CTNNA2: variants seen among roughly 807,000 people sequenced by gnomAD.
CTNNA2 encodes catenin alpha-2.
A neutral mutation model predicts 101.0 loss-of-function variants in CTNNA2; 42 were observed. The ratio of observed to expected loss-of-function variants is 0.42; its 90% CI spans 0.32 to 0.54. The LOEUF (loss-of-function observed/expected upper bound fraction) is 0.54, where lower values mean the gene tolerates loss of function less well. CTNNA2 is among the 20% of genes least tolerant of loss of function. CTNNA2 has a pLI of 0.14. For missense variants in CTNNA2, 871 were observed against 1,223.1 expected, an observed-to-expected ratio of 0.71 and a Z score of 4.29; for synonymous variants, 450 against 456.4, an observed-to-expected ratio of 0.99 and a Z score of 0.18.
At chr2:79,217,290 C>T (rs1277762832) in intron 2 of CTNNA2, among the ~76,000 whole-genome samples, 10 of 152,296 alleles carry the variant, frequency 6.6e-5, no homozygotes, top group East Asian at 1.9e-4. Context: ...TCCCCCGATC[C>T]GAGTCACGGC....
At chr2:79,284,796 C>T (rs1358141838) in intron 2 of CTNNA2, among the ~76,000 whole-genome samples, 4 of 148,594 alleles carry the variant, frequency 2.7e-5, no homozygotes, top group African/African-American at 1.0e-4. Context: ...GGGAGGATTC[C>T]CTCTTTTTCT....
At chr2:79,503,562 T>C (rs1298583211) in intron 4 of CTNNA2, among the ~76,000 whole-genome samples, 1 of 152,146 alleles carries the variant, frequency 6.6e-6, no homozygotes, top group Non-Finnish European at 1.5e-5. Flanking sequence ...AATGCCCTAC[T>C]GACATATTAG....
At chr2:79,539,008 C>CG (rs1673243145) in intron 1 of CTNNA2, among the ~76,000 whole-genome samples, 1 of 152,102 alleles carries the variant, frequency 6.6e-6, no homozygotes, top group African/African-American at 2.4e-5. Context: ...ACATCAAAAT[C>CG]AAGATCAATA....
chr2:80,548,684 T>C (rs1166036587), intron 11 of CTNNA2, among the ~76,000 whole-genome samples: 1 of 152,132 alleles, frequency 6.6e-6, no homozygotes, highest in African/African-American at 2.4e-5. Flanking sequence ...CCTTTGGAGT[T>C]GACAATCAGA....
intron 8 of CTNNA2, among the ~76,000 whole-genome samples, chr2:80,406,133 G>A (rs1252160382): frequency 6.6e-6 from 1 of 152,124 alleles, no homozygotes; most frequent in East Asian, 1.9e-4. Context: ...CAAGGCGGGT[G>A]GATCACAAGG....
intron 7 of CTNNA2, among the ~76,000 whole-genome samples, chr2:80,317,704 C>G (rs572348318): frequency 1.3e-4 from 20 of 152,156 alleles, no homozygotes; most frequent in Non-Finnish European, 2.8e-4. Context: ...TACCGACAAC[C>G]ACACACATTC....
chr2:80,371,008 C>T (rs74785321), intron 7 of CTNNA2, among the ~76,000 whole-genome samples: 2,247 of 152,130 alleles, frequency 0.015, 64 homozygotes, highest in African/African-American at 0.051. Context: ...TGGTAAGAAA[C>T]GGGAGGAAAC....
At chr2:80,479,022 T>A (rs895726231) in intron 9 of CTNNA2, among the ~76,000 whole-genome samples, 4 of 151,642 alleles carry the variant, frequency 2.6e-5, no homozygotes, top group Admixed American at 6.6e-5. Flanking sequence ...GTTTTTTTTT[T>A]AATTTTTTTG....
chr2:80,175,743 G>T (rs1023347755), intron 7 of CTNNA2, among the ~76,000 whole-genome samples: 1 of 152,214 alleles, frequency 6.6e-6, no homozygotes, highest in Non-Finnish European at 1.5e-5. Flanking sequence ...AATCCAGTCT[G>T]AGTCAAACCT....
chr2:80,170,944 A>G (rs1705012980), intron 7 of CTNNA2, among the ~76,000 whole-genome samples: 1 of 152,190 alleles, frequency 6.6e-6, no homozygotes. Flanking sequence ...AAACAGGGAA[A>G]AATGTTTAAT....
chr2:80,366,870 A>G (rs1340942921), intron 7 of CTNNA2, among the ~76,000 whole-genome samples: 1 of 152,080 alleles, frequency 6.6e-6, no homozygotes, highest in Non-Finnish European at 1.5e-5. Context: ...AATTTTATAC[A>G]TTTTAGGGAG....
At chr2:79,990,690 A>G (rs1395030729) in intron 7 of CTNNA2, among the ~76,000 whole-genome samples, 1 of 152,190 alleles carries the variant, frequency 6.6e-6, no homozygotes, top group Non-Finnish European at 1.5e-5. Flanking sequence ...TACATTTCTC[A>G]TGCACCTGTA....
chr2:79,540,591 A>G (rs760119686), intron 1 of CTNNA2, among the ~76,000 whole-genome samples: 15 of 152,172 alleles, frequency 9.9e-5, no homozygotes, highest in Non-Finnish European at 1.6e-4. Flanking sequence ...CATGAATGCC[A>G]CTTGCTTTAT....
chr2:79,218,311 T>TTGTGTGTGTG (rs60680995), intron 2 of CTNNA2, among the ~76,000 whole-genome samples: 4,911 of 114,618 alleles, frequency 0.043, 189 homozygotes, highest in East Asian at 0.07. Flanking sequence ...TTCATGAACT[T>TTGTGTGTGTG]TGTGTGTGTG....
intron 7 of CTNNA2, among the ~76,000 whole-genome samples, chr2:79,990,959 A>G (rs1220652650): frequency 1.3e-5 from 2 of 152,094 alleles, no homozygotes; most frequent in Non-Finnish European, 2.9e-5. Flanking sequence ...AGAGCCTGTT[A>G]TTGGTCTATT....
intron 7 of CTNNA2, among the ~76,000 whole-genome samples, chr2:80,041,954 G>GT (rs992447054): frequency 2.0e-4 from 30 of 152,026 alleles, no homozygotes; most frequent in South Asian, 4.2e-4. Context: ...TTTTTTCTGT[G>GT]TTTTTTTGTT....
chr2:80,137,018 G>C (rs1702734199), intron 7 of CTNNA2, among the ~76,000 whole-genome samples: 1 of 152,276 alleles, frequency 6.6e-6, no homozygotes, highest in African/African-American at 2.4e-5. Context: ...TCAGCCATCA[G>C]TGATGTGCTC....
chr2:80,456,306 A>G (rs1401745373), intron 9 of CTNNA2, among the ~76,000 whole-genome samples: 2 of 151,842 alleles, frequency 1.3e-5, no homozygotes, highest in African/African-American at 4.8e-5. Flanking sequence ...TCCCCTGCAC[A>G]TTGGTATCCC....
chr2:80,528,500 G>C (rs1329207248), intron 9 of CTNNA2, among the ~76,000 whole-genome samples: 3 of 151,954 alleles, frequency 2.0e-5, no homozygotes, highest in African/African-American at 7.3e-5. Context: ...CCAGCCCTTA[G>C]CCATACATTT....
Sources: allele counts gnomAD v4.1 joint callset (sites outside exome capture counted in the v4.1 genomes callset), GRCh38; gene constraint gnomAD v4.1.1; transcripts MANE v1.5; gene names NCBI Gene and HGNC (gene_info 2026-07-23, HGNC 2026-07-21).